The following TRIO variants were observed in gnomAD, a reference collection of about 807,000 sequenced individuals.
The protein encoded by TRIO is triple functional domain protein.
TRIO carries 58 observed loss-of-function variants against 351.9 expected under a neutral mutation model. The ratio of observed to expected loss-of-function variants is 0.16; its 90% CI spans 0.13 to 0.21. The LOEUF is 0.21. Among genes scored for constraint, TRIO ranks in the 10% least tolerant of loss-of-function variants. The pLI is 1.00. For synonymous variants in TRIO, 1,758 were observed against 1,595.7 expected, an observed-to-expected ratio of 1.10 and a Z score of -2.42; for missense variants, 3,201 against 4,027.8, an observed-to-expected ratio of 0.79 and a Z score of 5.56.
intron 1 of TRIO, among the ~76,000 whole-genome samples, chr5:14,247,296 T>A (rs354307): frequency 0.02 from 3,109 of 152,352 alleles, 115 homozygotes; most frequent in African/African-American, 0.07. Flanking sequence ...TGTTGTGATG[T>A]GTGGATGTAA....
At chr5:14,399,174 T>C in intron 30 of TRIO, 104 bp downstream of exon 30, 2 of 1,070,686 alleles carry the variant, frequency 1.9e-6, no homozygotes, top group Non-Finnish European at 2.8e-6. Context: ...CCTCCCAATC[T>C]GTCCTGAAAT....
chr5:14,500,779 T>G (rs1757230926), intron 53 of TRIO, among the ~76,000 whole-genome samples: 1 of 151,492 alleles, frequency 6.6e-6, no homozygotes. Context: ...TCCCAACTAC[T>G]CTGGAGGCTG....
At chr5:14,315,699 C>A (rs1042322113) in intron 8 of TRIO, among the ~76,000 whole-genome samples, 2 of 152,152 alleles carry the variant, frequency 1.3e-5, no homozygotes, top group South Asian at 2.1e-4. Flanking sequence ...CTGATTGTCA[C>A]TTTTTTTCCC....
intron 9 of TRIO, among the ~76,000 whole-genome samples, chr5:14,329,789 T>C (rs1740741606): frequency 6.6e-6 from 1 of 152,236 alleles, no homozygotes; most frequent in Non-Finnish European, 1.5e-5. Flanking sequence ...GAGGACAAAG[T>C]GGGCATTTGA....
At chr5:14,236,669 A>G (rs138259897) in intron 1 of TRIO, among the ~76,000 whole-genome samples, 62 of 152,370 alleles carry the variant, frequency 4.1e-4, no homozygotes, top group African/African-American at 1.5e-3. Context: ...TTAGTATAAT[A>G]ACATTTCCAA....
intron 9 of TRIO, among the ~76,000 whole-genome samples, chr5:14,321,822 T>G (rs1450288569): frequency 2.6e-5 from 4 of 152,170 alleles, no homozygotes; most frequent in Non-Finnish European, 5.9e-5. Flanking sequence ...GTTCTCGTGA[T>G]AGTGAATAAG....
rs1191383932 is a variant in TRIO at position 14,482,703 on chromosome 5, T to C, written c.6587T>C (p.Ile2196Thr). 1 of 1,611,556 alleles carries C rather than the reference T, an allele frequency of 6.2e-7. No individual in the cohort carries two copies. Among genetic ancestry groups the C allele is most frequent in the Admixed American group, 1.7e-5 (1 of 59,814 alleles). The change falls in exon 46 of 57, where the codon ATA becomes ACA. Residue 2196 changes from isoleucine (I) to threonine (T), a missense_variant. Physicochemically the swap from Ile to Thr is moderately conservative, Grantham distance 89 (BLOSUM62 -1). Transcript: ENST00000344204. ...ATCTTCCTCTTTGAGCAGATCGTCA[T>C]ATTCAGCGAACCACTTGATAAAAAG... ...RRIFLFEQIV[I>T]FSEPLDKKKG...
rs544341113 is a variant in TRIO, at chr5:14,507,027, A to G, written c.8613-95A>G. ...CTGAGATCCCGATGACACATTCATAACAGGTGACAGGTCCGACATGTTTAC... is the reference window on the plus strand; with the variant it reads ...CTGAGATCCCGATGACACATTCATAGCAGGTGACAGGTCCGACATGTTTAC... On this transcript the variant is annotated intron_variant, in intron 55 of 56. Coordinates refer to ENST00000344204, the MANE Select transcript of TRIO (RefSeq NM_007118.4). 2.5e-5 allele frequency: 36 copies of G among 1,440,650 alleles called. 1 individual carries two copies. In the South Asian group the frequency reaches 5.5e-4, roughly 22 times the overall value. 89.2% of individuals were successfully genotyped at this position (1,440,650 alleles called of 1,614,324 possible). A position where few individuals can be genotyped will look rare whatever the true frequency, so the allele number is the denominator to read the frequency against.
At chr5:14,433,607 C>G (rs1751357384) in intron 34 of TRIO, among the ~76,000 whole-genome samples, 1 of 152,148 alleles carries the variant, frequency 6.6e-6, no homozygotes, top group Admixed American at 6.5e-5. Flanking sequence ...TATGACATTT[C>G]AGGGGCCCAG....
At chr5:14,451,634 A>C (rs949968000) in intron 34 of TRIO, among the ~76,000 whole-genome samples, 4 of 152,256 alleles carry the variant, frequency 2.6e-5, no homozygotes, top group African/African-American at 9.6e-5. Context: ...ACCTGATTAC[A>C]CCGGGACTGC....
At chr5:14,266,556 G>A (rs569884785) in intron 1 of TRIO, among the ~76,000 whole-genome samples, 1 of 152,360 alleles carries the variant, frequency 6.6e-6, no homozygotes, top group Admixed American at 6.5e-5. Flanking sequence ...CTGACATGCT[G>A]TCGAACCAAA....
Position 14,286,693 on chromosome 5 carries a change from C to T in TRIO, c.348-178C>T, listed in dbSNP as rs17302526. 0.03 allele frequency among the ~76,000 whole-genome samples: 4,540 copies of T among 152,288 alleles called. 90 individuals are homozygous for T. Among genetic ancestry groups the T allele is most frequent in the Non-Finnish European group, 0.048 (3,291 of 68,010 alleles). ...CATGAAGCGTGTATAGCCTGGGTCT[C>T]TTCCTTTATGGTACAAGGGAGGGAC... On this transcript the variant is annotated intron_variant, in intron 3 of 56. Coordinates refer to ENST00000344204, the MANE Select transcript of TRIO (RefSeq NM_007118.4). The surrounding 1 kb of genome is among the most constrained non-coding windows in gnomAD (Gnocchi z 4.4).
chr5:14,457,370 A>ACCCCCCCCCCCCCCCC (rs1491324188), intron 34 of TRIO, among the ~76,000 whole-genome samples: 1 of 15,078 alleles, frequency 6.6e-5, no homozygotes, highest in Non-Finnish European at 1.5e-4. Flanking sequence ...GGCAGCCCTG[A>ACCCCCCCCCCCCCCCC]CCTCCCCCCC....
chr5:14,353,566 A>G (rs1743337805), intron 11 of TRIO, among the ~76,000 whole-genome samples: 1 of 152,128 alleles, frequency 6.6e-6, no homozygotes, highest in South Asian at 2.1e-4. Flanking sequence ...CCCAGCCCCA[A>G]GCAACTTTTT....
chr5:14,283,042 A>G lies in TRIO; in HGVS notation c.347+2606A>G, dbSNP rs555146931. Among the ~76,000 whole-genome samples, 60 of 152,332 alleles carry G rather than the reference A, an allele frequency of 3.9e-4. 1 individual carries two copies. The highest frequency in any genetic ancestry group is 3.5e-3 in the Admixed American group (53 of 15,304). On this transcript the variant is annotated intron_variant, in intron 3 of 56. Transcript: ENST00000344204. Reference sequence around the variant, plus strand: ...TGCAGGTGCTACCCCTAGTGAGTGTATAGCAGCAGGAGCGCTGTTTGGTTT... The same window carrying G: ...TGCAGGTGCTACCCCTAGTGAGTGTGTAGCAGCAGGAGCGCTGTTTGGTTT...
chr5:14,456,970 A>T (rs148308137), intron 34 of TRIO, among the ~76,000 whole-genome samples: 1 of 152,206 alleles, frequency 6.6e-6, no homozygotes, highest in Non-Finnish European at 1.5e-5. Context: ...GAGCATAGAC[A>T]TGGGCTGTTA....
rs758263284 is a variant in TRIO, at chr5:14,462,848, G to A, written c.5590G>A (p.Ala1864Thr). 1 of 1,613,700 alleles carries A rather than the reference G, an allele frequency of 6.2e-7. No individual in the cohort carries two copies. Reference sequence around the variant, plus strand: ...TGGAGAAGAGGAAGGCGAGGAGGGGGCCGACGCCGTGCCCCTGCCGCCACC... The same window carrying A: ...TGGAGAAGAGGAAGGCGAGGAGGGGACCGACGCCGTGCCCCTGCCGCCACC... Reference protein sequence around the residue: ...SCGEEEGEEGADAVPLPPPMA... With the variant: ...SCGEEEGEEGTDAVPLPPPMA... Residue 1864 changes from alanine (A) to threonine (T), a missense_variant, in exon 36 of 57, where the codon GCC (alanine) becomes ACC (threonine). Physicochemically the swap from Ala to Thr is moderately conservative, Grantham distance 58 (BLOSUM62 0). This residue lies in a region of TRIO where 307 missense variants were observed against 396.5 expected (regional missense o/e 0.77). Coordinates refer to ENST00000344204, the MANE Select transcript of TRIO (RefSeq NM_007118.4).
chr5:14,422,982 T>C (rs1750303928), intron 34 of TRIO, among the ~76,000 whole-genome samples: 2 of 152,172 alleles, frequency 1.3e-5, no homozygotes. Flanking sequence ...ATCTGTTTTG[T>C]GGACGAAGTT....
chr5:14,397,817 C>A (rs184237015), intron 29 of TRIO, among the ~76,000 whole-genome samples: 2 of 152,118 alleles, frequency 1.3e-5, no homozygotes, highest in East Asian at 1.9e-4. Flanking sequence ...AGAGGCCAAG[C>A]AAAACAGATT....
Sources: gnomAD v4.1 joint callset for allele counts (sites outside exome capture counted in the v4.1 genomes callset) on GRCh38, gnomAD v4.1.1 for gene constraint, gnomAD v4.1.1 regional missense constraint, Gnocchi (gnomAD v3.1) non-coding constraint, MANE v1.5 for transcripts, NCBI Gene and HGNC (gene_info 2026-07-23, HGNC 2026-07-21) for gene names.